Variants in CCDC62 observed in about 807,000 individuals in gnomAD.
CCDC62 encodes coiled-coil domain containing 62.
In CCDC62, 72 loss-of-function variants were observed where a neutral mutation model predicts 80.8. The ratio of observed to expected loss-of-function variants is 0.89; its 90% confidence interval spans 0.74 to 1.08. The LOEUF (loss-of-function observed/expected upper bound fraction) is 1.08. Ranked by LOEUF, CCDC62 falls within the 50% of genes least tolerant of loss-of-function variation. The pLI, the probability that CCDC62 is intolerant of heterozygous loss-of-function variation, is 0.00. For synonymous variants in CCDC62, 286 were observed against 296.5 expected (o/e 0.96, Z 0.36); for missense variants, 704 against 809.4 (o/e 0.87, Z 1.58).
chr12:122,821,368 A>G (rs988697791), intron 11 of CCDC62, among the ~76,000 whole-genome samples: 2 of 152,212 alleles, frequency 1.3e-5, no homozygotes, highest in Non-Finnish European at 2.9e-5. Context: ...CATGAATGGG[A>G]AGTCAAGAAG....
rs2031285693 is a variant in CCDC62, at chr12:122,801,253, CAA to C, written c.1108_1109del (p.Lys370GlufsTer5). On this transcript the variant is annotated frameshift_variant, in exon 9 of 13. Coordinates refer to ENST00000253079, the MANE Select transcript of CCDC62 (RefSeq NM_201435.5). LOFTEE classifies it high-confidence loss of function. ...TGTTGGTTCAGCAAAATAGGTCAGA[CAA>C]GAGCTCTTGCGATGAATGCAAAGAG... is the stretch of plus-strand genomic sequence containing the variant. The part of the protein sequence containing the change: ...AMLVQQNRSD[K>X]SSCDECKEKK... 3.1e-6 allele frequency: 5 copies of C among 1,614,106 alleles called. No homozygotes were observed. The highest frequency in any genetic ancestry group is 4.2e-6 in the Non-Finnish European group (5 of 1,180,022).
rs374412996 is a variant in CCDC62 at position 122,811,315 on chromosome 12, G to A, written c.1852-1955G>A. On this transcript the variant is annotated intron_variant, in intron 10 of 12. Coordinates refer to ENST00000253079, the MANE Select transcript of CCDC62 (RefSeq NM_201435.5). ...CAACCTCCGCCTCCCAGGTTCAAGC[G>A]ATTCTCCTGCCTCAGCCTCCCTAGT... Among the ~76,000 whole-genome samples the A allele has an allele frequency of 1.3e-4, 19 of 145,428 alleles. No homozygotes were observed. The East Asian group carries it at 2.9e-3, about 22-fold the overall frequency.
At chr12:122,823,573 C>G in intron 12 of CCDC62, 114 bp downstream of exon 12, 1 of 600,114 alleles carries the variant, frequency 1.7e-6, no homozygotes, top group South Asian at 2.2e-5. Flanking sequence ...GTAATACTTT[C>G]TCTTTTGCTC....
At chr12:122,812,038 G>C (rs1347754935) in intron 10 of CCDC62, among the ~76,000 whole-genome samples, 2 of 152,114 alleles carry the variant, frequency 1.3e-5, no homozygotes, top group Non-Finnish European at 2.9e-5. Context: ...GCATTGACAA[G>C]TTGGTTGAGG....
At chr12:122,821,905 C>A (rs1004778813) in intron 11 of CCDC62, among the ~76,000 whole-genome samples, 1 of 151,770 alleles carries the variant, frequency 6.6e-6, no homozygotes, top group Non-Finnish European at 1.5e-5. Context: ...GATTTAGAAC[C>A]GATTCATTTA....
rs548071125 is a variant in CCDC62, at chr12:122,792,838, C to T, written c.772+717C>T. 3.3e-5 allele frequency among the ~76,000 whole-genome samples: 5 copies of T among 152,124 alleles called. No homozygotes were observed. In the South Asian group the frequency reaches 6.2e-4, roughly 19 times the overall value. ...AGGCCTTTTTGTTTGTTTTTAACAC[C>T]CTTTGTGGGACCGATGGTGGACCAA... On this transcript the variant is annotated intron_variant, in intron 6 of 12. Transcript: ENST00000253079.
At chr12:122,779,034 T>C (rs948289426) in intron 2 of CCDC62, among the ~76,000 whole-genome samples, 2 of 152,206 alleles carry the variant, frequency 1.3e-5, no homozygotes, top group African/African-American at 4.8e-5. Flanking sequence ...ATAGCTCTTA[T>C]ATAGACATGT....
At position 122,795,568 on chromosome 12, in the gene CCDC62, C is replaced by T. The variant is rs954128208; in HGVS notation, c.773-1739C>T. Among the ~76,000 whole-genome samples, 12 of 152,192 alleles carry T rather than the reference C, an allele frequency of 7.9e-5. 1 individual carries two copies. The highest frequency in any genetic ancestry group is 4.1e-4 in the South Asian group (2 of 4,828). ...CCTCCCGAGTAGCTGGGACTACAGG[C>T]GCCCGCCACCATGCCCAGCTAATTT... On this transcript the variant is annotated intron_variant, in intron 6 of 12. Coordinates refer to ENST00000253079, the MANE Select transcript of CCDC62 (RefSeq NM_201435.5).
At chr12:122,821,098 C>G (rs1441394301) in intron 11 of CCDC62, among the ~76,000 whole-genome samples, 4 of 152,100 alleles carry the variant, frequency 2.6e-5, no homozygotes, top group African/African-American at 9.7e-5. Flanking sequence ...CTCCCCCTTA[C>G]CTCTCCACTC....
At chr12:122,784,232 A>C (rs1214124692) in intron 3 of CCDC62, among the ~76,000 whole-genome samples, 1 of 152,220 alleles carries the variant, frequency 6.6e-6, no homozygotes, top group African/African-American at 2.4e-5. Context: ...AAGTCTAAAT[A>C]GGCTGGGAGG....
chr12:122,785,739 C>T lies in CCDC62; in HGVS notation c.417C>T (p.Ser139=), dbSNP rs1277223411. Residue 139 remains serine, a synonymous_variant, in exon 4 of 13, where the codon AGC becomes AGT. Coordinates refer to ENST00000253079, the MANE Select transcript of CCDC62 (RefSeq NM_201435.5). ...EDLEARNETL[S]NTLVELSAQV... ...TGTAGGCTAGAAACGAAACTCTCAG[C>T]AACACGTTAGTGGAACTTTCTGCCC... 1.2e-6 allele frequency: 2 copies of T among 1,613,330 alleles called. No individual in the cohort carries two copies. Among genetic ancestry groups the T allele is most frequent in the Non-Finnish European group, 8.5e-7 (1 of 1,179,258 alleles).
chr12:122,812,732 AAAAAG>A (rs1271108159), intron 10 of CCDC62, among the ~76,000 whole-genome samples: 1 of 125,524 alleles, frequency 8.0e-6, no homozygotes, highest in East Asian at 2.5e-4. Flanking sequence ...AAAAAAAAAA[AAAAAG>A]AAAGAGAGAG....
chr12:122,795,034 A>C (rs1177968128), intron 6 of CCDC62, among the ~76,000 whole-genome samples: 2 of 152,164 alleles, frequency 1.3e-5, no homozygotes, highest in African/African-American at 4.8e-5. Context: ...GCTATGGCTA[A>C]ATGTCACGAT....
intron 8 of CCDC62, among the ~76,000 whole-genome samples, chr12:122,798,705 C>A (rs1184784047): frequency 6.6e-6 from 1 of 150,774 alleles, no homozygotes; most frequent in Non-Finnish European, 1.5e-5. Context: ...CACTTGAACC[C>A]CGGAGGTGGA....
intron 6 of CCDC62, among the ~76,000 whole-genome samples, chr12:122,795,570 C>A (rs912400269): frequency 6.6e-6 from 1 of 152,172 alleles, no homozygotes; most frequent in East Asian, 1.9e-4. Context: ...ACTACAGGCG[C>A]CCGCCACCAT....
At chr12:122,782,831 G>T (rs767730977) in intron 3 of CCDC62, among the ~76,000 whole-genome samples, 1 of 151,570 alleles carries the variant, frequency 6.6e-6, no homozygotes, top group African/African-American at 2.4e-5. Context: ...TTTTGAGCCC[G>T]GCATGGTGGC....
At chr12:122,811,526 T>TA (rs142704099) in intron 10 of CCDC62, among the ~76,000 whole-genome samples, 113,253 of 142,056 alleles carry the variant, frequency 0.8, 45,952 homozygotes, top group Middle Eastern at 0.92. Context: ...TAAGTTTTCT[T>TA]AAAAAAAAAA....
At chr12:122,821,542 C>T (rs2032403561) in intron 11 of CCDC62, among the ~76,000 whole-genome samples, 1 of 152,164 alleles carries the variant, frequency 6.6e-6, no homozygotes, top group African/African-American at 2.4e-5. Context: ...CTCAAACTCC[C>T]AGGCTCCAGC....
intron 11 of CCDC62, among the ~76,000 whole-genome samples, chr12:122,819,320 A>G (rs190742170): frequency 1.3e-5 from 2 of 152,330 alleles, no homozygotes; most frequent in African/African-American, 4.8e-5. Context: ...GGGCTTTGCC[A>G]TCTGTCGCTA....
Sources: allele counts gnomAD v4.1 joint callset (sites outside exome capture counted in the v4.1 genomes callset), GRCh38; gene constraint gnomAD v4.1.1; transcripts MANE v1.5; gene names NCBI Gene and HGNC (gene_info 2026-07-23, HGNC 2026-07-21).